Variants in PCDHB5 observed in about 807,000 individuals in gnomAD.
PCDHB5 encodes protocadherin beta 5, also known as protocadherin beta-5.
For synonymous variants in PCDHB5, 569 were observed against 462.2 expected (o/e 1.23, Z -2.96); for missense variants, 1,125 against 1,029.4 (o/e 1.09, Z -1.27).
rs1752573191 is a variant in PCDHB5, at chr5:141,136,312, TA to T, written c.879del (p.Ile293MetfsTer10). ...QGDEVTQPFV[I>X]DEKTAEIRLK... ...GATGAAGTTACTCAACCATTTGTAA[TA>T]GACGAGAAAACAGCAGAAATTCGCC... On this transcript the variant is annotated frameshift_variant, in exon 1 of 1. Transcript: ENST00000231134. LOFTEE classifies it low-confidence loss of function (END_TRUNC). 6.2e-7 allele frequency: 1 copy of T among 1,614,102 alleles called. No homozygotes were observed. The highest frequency in any genetic ancestry group is 1.3e-5 in the African/African-American group (1 of 74,934).
rs782192241 is a variant in PCDHB5, at chr5:141,137,336, G to A, written c.1902G>A (p.Ala634=). 3.2e-5 allele frequency: 52 copies of A among 1,609,876 alleles called. No homozygotes were observed. Among genetic ancestry groups the A allele is most frequent in the South Asian group, 1.4e-4 (13 of 90,920 alleles). ...RTARLLSERD[A]AKHRLVVLVK... is the part of the protein sequence containing the mutation. ...CCAGGCTGCTGAGCGAGCGCGACGCGGCCAAGCACAGGCTGGTGGTGCTGG... is the reference window on the plus strand; with the variant it reads ...CCAGGCTGCTGAGCGAGCGCGACGCAGCCAAGCACAGGCTGGTGGTGCTGG... The change falls in exon 1 of 1, where the codon GCG becomes GCA. Residue 634 remains alanine, a synonymous_variant. Coordinates refer to ENST00000231134, the MANE Select transcript of PCDHB5 (RefSeq NM_015669.5).
At position 141,135,822 on chromosome 5, in the gene PCDHB5, G is replaced by T. The variant is rs61735959; in HGVS notation, c.388G>T (p.Ala130Ser). 1.9e-4 allele frequency: 304 copies of T among 1,614,010 alleles called. 2 individuals carry two copies. In the African/African-American group the frequency reaches 3.6e-3, roughly 19 times the overall value. The part of the protein sequence containing the change: ...DLQLTDINDH[A>S]PEFPEKEMLL... The stretch of plus-strand genomic sequence containing the variant: ...GCAGCTCACAGATATAAATGACCAT[G>T]CCCCAGAGTTCCCAGAGAAGGAAAT... Residue 130 changes from alanine to serine, a missense_variant, in exon 1 of 1, where the codon GCC becomes TCC. Coordinates refer to ENST00000231134, the MANE Select transcript of PCDHB5 (RefSeq NM_015669.5).
Position 141,135,822 on chromosome 5 carries a change from G to A in PCDHB5, c.388G>A (p.Ala130Thr). 1.2e-6 allele frequency: 2 copies of A among 1,614,010 alleles called. No individual in the cohort carries two copies. Among genetic ancestry groups the A allele is most frequent in the African/African-American group, 2.7e-5 (2 of 75,008 alleles). ...GCAGCTCACAGATATAAATGACCATGCCCCAGAGTTCCCAGAGAAGGAAAT... is the reference window on the plus strand; with the variant it reads ...GCAGCTCACAGATATAAATGACCATACCCCAGAGTTCCCAGAGAAGGAAAT... ...DLQLTDINDH[A>T]PEFPEKEMLL... The change falls in exon 1 of 1, where the codon GCC (alanine) becomes ACC (threonine). Residue 130 changes from alanine to threonine, a missense_variant. Ala to Thr is a moderately conservative substitution (Grantham distance 58). Coordinates refer to ENST00000231134, the MANE Select transcript of PCDHB5 (RefSeq NM_015669.5).
Position 141,138,256 on chromosome 5 carries a change from T to C in PCDHB5, c.*434T>C, listed in dbSNP as rs188353700. On this transcript the variant is annotated 3_prime_UTR_variant, in exon 1 of 1. Coordinates refer to ENST00000231134, the MANE Select transcript of PCDHB5 (RefSeq NM_015669.5). ...TAAAACAAAGACAAATACATACATA[T>C]GCTAACAAATGAAATATGTGAAAAA... 286 of 155,570 alleles carry C rather than the reference T, an allele frequency of 1.8e-3. 2 individuals carry two copies. Among genetic ancestry groups the C allele is most frequent in the South Asian group, 2.5e-3 (12 of 4,878 alleles). 9.6% of individuals were successfully genotyped at this position (155,570 alleles called of 1,614,324 possible).
chr5:141,137,245 A>C lies in PCDHB5; in HGVS notation c.1811A>C (p.Gln604Pro), dbSNP rs1310068450. The C allele has an allele frequency of 2.5e-6, 4 of 1,610,794 alleles. No individual in the cohort carries two copies. In the African/African-American group the frequency reaches 5.3e-5, roughly 22 times the overall value. Reference sequence around the variant, plus strand: ...GGCCAGAACGCCTGGCTGTCGTACCAGCTGCTCAAGGCCACGGAGCCCGGG... The same window carrying C: ...GGCCAGAACGCCTGGCTGTCGTACCCGCTGCTCAAGGCCACGGAGCCCGGG... The part of the protein sequence containing the change: ...DSGQNAWLSY[Q>P]LLKATEPGLF... The change falls in exon 1 of 1, where the codon CAG (glutamine) becomes CCG (proline). Residue 604 changes from glutamine to proline, a missense_variant. Gln to Pro is a moderately conservative substitution (Grantham distance 76). Coordinates refer to ENST00000231134, the MANE Select transcript of PCDHB5 (RefSeq NM_015669.5).
In PCDHB5 at chr5:141,137,450, G is replaced by T. The variant is rs781937074; in HGVS notation, c.2016G>T (p.Leu672=). The change falls in exon 1 of 1, where the codon CTG becomes CTT. Residue 672 remains leucine, a synonymous_variant. Transcript: ENST00000231134. ...VDGFSQPYLP[L]PEAAPAQAQA... ...GCTTCTCCCAGCCCTACCTGCCGCT[G>T]CCGGAGGCGGCCCCGGCCCAGGCCC... is the stretch of plus-strand genomic sequence containing the variant. 44 of 1,612,310 alleles carry T rather than the reference G, an allele frequency of 2.7e-5. No homozygotes were observed. The African/African-American group carries it at 4.7e-4, about 17-fold the overall frequency.
Position 141,137,055 on chromosome 5 carries a change from A to G in PCDHB5, c.1621A>G (p.Ser541Gly), listed in dbSNP as rs1554276090. 3 of 1,611,624 alleles carry G rather than the reference A, an allele frequency of 1.9e-6. No homozygotes were observed. In the Admixed American group the frequency reaches 5.0e-5, roughly 27 times the overall value. ...CACAGACCGCGGCTCCCCGGCGCTG[A>G]GCAGCGAGGCGCTGGTGCGCGTGCT... Reference protein sequence around the residue: ...GATDRGSPALSSEALVRVLVL... With the variant: ...GATDRGSPALGSEALVRVLVL... Residue 541 changes from serine (S) to glycine (G), a missense_variant, in exon 1 of 1, where the codon AGC becomes GGC. Ser to Gly is a moderately conservative substitution (Grantham distance 56). Coordinates refer to ENST00000231134, the MANE Select transcript of PCDHB5 (RefSeq NM_015669.5).
rs373210957 is a variant in PCDHB5, at chr5:141,137,537, C to G, written c.2103C>G (p.Leu701=). The G allele has an allele frequency of 2.5e-6, 4 of 1,612,402 alleles. No individual in the cohort carries two copies. Among genetic ancestry groups the G allele is most frequent in the Non-Finnish European group, 3.4e-6 (4 of 1,179,654 alleles). The stretch of plus-strand genomic sequence containing the variant: ...TGGCCTCGGTGTCGTCGCTCTTCCT[C>G]TTTTCGGTGCTCCTGTTCGTGGCAG... ...VALASVSSLF[L]FSVLLFVAVR... is the part of the protein sequence containing the mutation. The change falls in exon 1 of 1, where the codon CTC becomes CTG. Residue 701 remains leucine, a synonymous_variant. Transcript: ENST00000231134.
At position 141,135,255 on chromosome 5, in the gene PCDHB5, G is replaced by A. The variant is rs1232448543; in HGVS notation, c.-180G>A. ...GGATAACTCAGACGCCATTAAGCTG[G>A]GGAATCCAAACTCTAAAAGAAGGAC... On this transcript the variant is annotated 5_prime_UTR_variant, in exon 1 of 1. Coordinates refer to ENST00000231134, the MANE Select transcript of PCDHB5 (RefSeq NM_015669.5). The A allele has an allele frequency of 1.6e-5, 9 of 569,440 alleles. No homozygotes were observed. The South Asian group carries it at 1.9e-4, about 12-fold the overall frequency. 35.3% of individuals were successfully genotyped at this position (569,440 alleles called of 1,614,324 possible).
Position 141,137,125 on chromosome 5 carries a change from T to C in PCDHB5, c.1691T>C (p.Leu564Pro). The C allele has an allele frequency of 6.2e-7, 1 of 1,611,512 alleles. No homozygotes were observed. The change falls in exon 1 of 1, where the codon CTG becomes CCG. Residue 564 changes from leucine to proline, a missense_variant. Transcript: ENST00000231134. The part of the protein sequence containing the change: ...NDNSPFVLYP[L>P]QNGSAPCTEL... ...AACTCGCCCTTCGTGCTGTATCCGC[T>C]GCAGAACGGCTCGGCGCCTTGCACC...
rs1173387238 is a variant in PCDHB5 at position 141,136,348 on chromosome 5, C to T, written c.914C>T (p.Ala305Val). ...ACAGCAGAAATTCGCCTGAAAAGGGCATTGGATTTCGAGGCAACTCCATAT... is the reference window on the plus strand; with the variant it reads ...ACAGCAGAAATTCGCCTGAAAAGGGTATTGGATTTCGAGGCAACTCCATAT... ...EKTAEIRLKR[A>V]LDFEATPYYN... The change falls in exon 1 of 1, where the codon GCA becomes GTA. Residue 305 changes from alanine (A) to valine (V), a missense_variant. Ala to Val is a moderately conservative substitution (Grantham distance 64). Transcript: ENST00000231134. 1 of 1,613,882 alleles carries T rather than the reference C, an allele frequency of 6.2e-7. No individual in the cohort carries two copies. The highest frequency in any genetic ancestry group is 8.5e-7 in the Non-Finnish European group (1 of 1,179,968).
chr5:141,136,028 A>G lies in PCDHB5; in HGVS notation c.594A>G (p.Lys198=). 6.2e-7 allele frequency: 1 copy of G among 1,614,238 alleles called. No individual in the cohort carries two copies. The highest frequency in any genetic ancestry group is 8.5e-7 in the Non-Finnish European group (1 of 1,180,038). ...GRKYPELVLD[K]ALDREERPEL... is the part of the protein sequence containing the mutation. ...AATACCCAGAGCTGGTGCTGGACAA[A>G]GCGCTGGACCGGGAGGAGCGGCCTG... Residue 198 remains lysine, a synonymous_variant, in exon 1 of 1, where the codon AAA becomes AAG. Coordinates refer to ENST00000231134, the MANE Select transcript of PCDHB5 (RefSeq NM_015669.5).
At position 141,137,249 on chromosome 5, in the gene PCDHB5, G is replaced by A. The variant is rs1330062038; in HGVS notation, c.1815G>A (p.Leu605=). Residue 605 remains leucine, a synonymous_variant, in exon 1 of 1, where the codon CTG becomes CTA. Coordinates refer to ENST00000231134, the MANE Select transcript of PCDHB5 (RefSeq NM_015669.5). ...SGQNAWLSYQ[L]LKATEPGLFS... ...AGAACGCCTGGCTGTCGTACCAGCT[G>A]CTCAAGGCCACGGAGCCCGGGCTGT... 2.5e-6 allele frequency: 4 copies of A among 1,610,724 alleles called. No individual in the cohort carries two copies. Among genetic ancestry groups the A allele is most frequent in the Non-Finnish European group, 3.4e-6 (4 of 1,179,676 alleles).
rs1282419601 is a variant in PCDHB5, at chr5:141,137,652, G to GGCACC, written c.2220_2224dup (p.Gly742AlafsTer15). 1.2e-6 allele frequency: 2 copies of GGCACC among 1,614,108 alleles called. No individual in the cohort carries two copies. The highest frequency in any genetic ancestry group is 4.5e-5 in the East Asian group (2 of 44,872). On this transcript the variant is annotated frameshift_variant, in exon 1 of 1. Transcript: ENST00000231134. LOFTEE classifies it low-confidence loss of function (END_TRUNC). ...TCCAGGGCATCTGGTGGACGTGAGC[G>GGCACC]GCACCGGGACCCTATCCCAGAGCTA...
rs568013909 is a variant in PCDHB5 at position 141,138,298 on chromosome 5, A to G, written c.*476A>G. The G allele has an allele frequency of 1.3e-5, 2 of 153,234 alleles. No homozygotes were observed. Among genetic ancestry groups the G allele is most frequent in the African/African-American group, 4.8e-5 (2 of 41,490 alleles). 9.5% of individuals were successfully genotyped at this position (153,234 alleles called of 1,614,324 possible). A position where few individuals can be genotyped will look rare whatever the true frequency, so the allele number is the denominator to read the frequency against. ...TGTGAAAAAATATGTAAAAGGAAACAATCTTCTATTTACTCTTTTTTGCAG... is the reference window on the plus strand; with the variant it reads ...TGTGAAAAAATATGTAAAAGGAAACGATCTTCTATTTACTCTTTTTTGCAG... On this transcript the variant is annotated 3_prime_UTR_variant, in exon 1 of 1. Transcript: ENST00000231134.
At position 141,135,371 on chromosome 5, in the gene PCDHB5, A is replaced by G; in HGVS notation, c.-64A>G. ...AGAAAGATCGGATTCGCGGTTATTT[A>G]TGCAAATCATCTGGGTGGATTGTGT... On this transcript the variant is annotated 5_prime_UTR_variant, in exon 1 of 1. An upstream start codon of the reference 5' UTR is lost. Coordinates refer to ENST00000231134, the MANE Select transcript of PCDHB5 (RefSeq NM_015669.5). 1 of 1,148,462 alleles carries G rather than the reference A, an allele frequency of 8.7e-7. No homozygotes were observed. The highest frequency in any genetic ancestry group is 1.2e-6 in the Non-Finnish European group (1 of 800,582). 71.1% of individuals were successfully genotyped at this position (1,148,462 alleles called of 1,614,324 possible).
Position 141,137,728 on chromosome 5 carries a change from T to C in PCDHB5, c.2294T>C (p.Phe765Ser). ...TGDSGAGEFK[F>S]LKPIIPNLLP... ...GACTCAGGGGCCGGCGAGTTCAAGTTCCTGAAGCCGATTATTCCTAACCTT... is the reference window on the plus strand; with the variant it reads ...GACTCAGGGGCCGGCGAGTTCAAGTCCCTGAAGCCGATTATTCCTAACCTT... Residue 765 changes from phenylalanine to serine, a missense_variant, in exon 1 of 1, where the codon TTC becomes TCC. By Grantham distance (155) the Phe-to-Ser change is radical. Coordinates refer to ENST00000231134, the MANE Select transcript of PCDHB5 (RefSeq NM_015669.5). 6.2e-7 allele frequency: 1 copy of C among 1,614,184 alleles called. No individual in the cohort carries two copies. The highest frequency in any genetic ancestry group is 8.5e-7 in the Non-Finnish European group (1 of 1,180,034).
At position 141,135,786 on chromosome 5, in the gene PCDHB5, C is replaced by G. The variant is rs1342421895; in HGVS notation, c.352C>G (p.Gln118Glu). 1 of 1,613,726 alleles carries G rather than the reference C, an allele frequency of 6.2e-7. No homozygotes were observed. Among genetic ancestry groups the G allele is most frequent in the Non-Finnish European group, 8.5e-7 (1 of 1,179,824 alleles). ...ACTAGAAAATCCAGTGCAGTTTTTT[C>G]AAACTGATCTGCAGCTCACAGATAT... ...LLLENPVQFF[Q>E]TDLQLTDIND... The change falls in exon 1 of 1, where the codon CAA (glutamine) becomes GAA (glutamate). Residue 118 changes from glutamine to glutamate, a missense_variant. Coordinates refer to ENST00000231134, the MANE Select transcript of PCDHB5 (RefSeq NM_015669.5).
At position 141,137,229 on chromosome 5, in the gene PCDHB5, G is replaced by T. The variant is rs782712485; in HGVS notation, c.1795G>T (p.Ala599Ser). The change falls in exon 1 of 1, where the codon GCC becomes TCC. Residue 599 changes from alanine (A) to serine (S), a missense_variant. Physicochemically the swap from Ala to Ser is moderately conservative, Grantham distance 99 (BLOSUM62 1). Coordinates refer to ENST00000231134, the MANE Select transcript of PCDHB5 (RefSeq NM_015669.5). The part of the protein sequence containing the change: ...VAVDGDSGQN[A>S]WLSYQLLKAT... ...GGTGGACGGTGACTCGGGCCAGAAC[G>T]CCTGGCTGTCGTACCAGCTGCTCAA... 1.2e-6 allele frequency: 2 copies of T among 1,610,872 alleles called. No homozygotes were observed. Among genetic ancestry groups the T allele is most frequent in the Non-Finnish European group, 1.7e-6 (2 of 1,179,634 alleles).
Sources: allele counts gnomAD v4.1 joint callset, GRCh38; gene constraint gnomAD v4.1.1; transcripts MANE v1.5; gene names NCBI Gene and HGNC (gene_info 2026-07-23, HGNC 2026-07-21).